ADGRA3: variants seen among roughly 807,000 people sequenced by gnomAD.
ADGRA3 encodes the protein adhesion G protein-coupled receptor A3, also known as G-protein coupled receptor 125.
Under a neutral mutation model 119.8 loss-of-function variants are expected in ADGRA3, and 56 were observed. That is an observed-to-expected ratio of 0.47 (90% CI 0.38 to 0.58). ADGRA3 has a LOEUF of 0.58. Among genes scored for constraint, ADGRA3 ranks in the 20% least tolerant of loss-of-function variants. The probability of loss-of-function intolerance (pLI) is 0.00; values close to 1 mark genes in which losing one functional copy is unlikely to be tolerated. For missense variants in ADGRA3, 1,516 were observed against 1,649.0 expected, an observed-to-expected ratio of 0.92 and a Z score of 1.40; for synonymous variants, 607 against 623.8, an observed-to-expected ratio of 0.97 and a Z score of 0.40.
chr4:22,453,745 A>T (rs1184289508), intron 4 of ADGRA3, among the ~76,000 whole-genome samples: 1 of 152,210 alleles, frequency 6.6e-6, no homozygotes, highest in Non-Finnish European at 1.5e-5. Context: ...CCTATTGTTT[A>T]GTCAGTTCTA....
At chr4:22,435,173 T>A in intron 10 of ADGRA3, 138 bp downstream of exon 10, 1 of 733,876 alleles carries the variant, frequency 1.4e-6, no homozygotes, top group Non-Finnish European at 2.3e-6. Context: ...AGTATCTCAA[T>A]AAAATTCTGG....
At chr4:22,400,858 TACAA>T (rs536685858) in intron 16 of ADGRA3, among the ~76,000 whole-genome samples, 48 of 152,248 alleles carry the variant, frequency 3.2e-4, no homozygotes, top group African/African-American at 1.1e-3. Context: ...GAAAAAAATA[TACAA>T]ACAAAGAAAT....
chr4:22,390,242 G>A (rs1277970077), intron 17 of ADGRA3, among the ~76,000 whole-genome samples: 2 of 148,578 alleles, frequency 1.3e-5, no homozygotes, highest in Non-Finnish European at 3.0e-5. Flanking sequence ...CCCTACCCCC[G>A]TTCTTGTTAT....
At chr4:22,481,208 A>C (rs1718250320) in intron 1 of ADGRA3, among the ~76,000 whole-genome samples, 1 of 152,200 alleles carries the variant, frequency 6.6e-6, no homozygotes, top group South Asian at 2.1e-4. Flanking sequence ...GGTTGGCTAG[A>C]TTTTGGGCCA....
chr4:22,478,856 C>T (rs1360229308), intron 1 of ADGRA3, among the ~76,000 whole-genome samples: 1 of 152,028 alleles, frequency 6.6e-6, no homozygotes, highest in African/African-American at 2.4e-5. Flanking sequence ...CTAAGGATTT[C>T]CCAGAACTAA....
intron 7 of ADGRA3, among the ~76,000 whole-genome samples, chr4:22,440,758 A>T (rs1716579596): frequency 6.6e-6 from 1 of 152,232 alleles, no homozygotes; most frequent in African/African-American, 2.4e-5. Context: ...ATTGAATTAT[A>T]CATCAATTAT....
chr4:22,428,068 C>A (rs537576563), intron 10 of ADGRA3, among the ~76,000 whole-genome samples: 1 of 152,148 alleles, frequency 6.6e-6, no homozygotes, highest in South Asian at 2.1e-4. Flanking sequence ...AAAATTAGGT[C>A]AAAAACATCT....
chr4:22,478,270 T>C (rs1312163586), intron 1 of ADGRA3: 1 of 152,178 alleles, frequency 6.6e-6, no homozygotes, highest in African/African-American at 2.4e-5. Context: ...TTACTATACA[T>C]ATTTTTTTAA....
intron 16 of ADGRA3, among the ~76,000 whole-genome samples, chr4:22,396,526 A>C (rs969445934): frequency 6.6e-6 from 1 of 152,200 alleles, no homozygotes; most frequent in Non-Finnish European, 1.5e-5. Flanking sequence ...GACTATTCAC[A>C]TAAGCTGTTC....
chr4:22,398,189 T>C (rs1208462547), intron 16 of ADGRA3: 2 of 929,182 alleles, frequency 2.2e-6, no homozygotes, highest in African/African-American at 3.6e-5. Flanking sequence ...TCAATAATAC[T>C]AATATAATAG....
At chr4:22,463,951 T>C (rs1717565608) in intron 2 of ADGRA3, among the ~76,000 whole-genome samples, 1 of 152,112 alleles carries the variant, frequency 6.6e-6, no homozygotes, top group Non-Finnish European at 1.5e-5. Context: ...CTGTGAATCC[T>C]GGGATCACTG....
intron 1 of ADGRA3, among the ~76,000 whole-genome samples, chr4:22,512,447 A>G (rs539918653): frequency 2.6e-5 from 4 of 152,296 alleles, no homozygotes; most frequent in Non-Finnish European, 4.4e-5. Context: ...ACAGTGTTTC[A>G]TAGAAAGAAA....
At chr4:22,439,584 T>C (rs566745738) in intron 7 of ADGRA3, among the ~76,000 whole-genome samples, 10 of 152,206 alleles carry the variant, frequency 6.6e-5, no homozygotes, top group Non-Finnish European at 1.3e-4. Flanking sequence ...AATGTTCTAA[T>C]AAAGGCTCAA....
intron 2 of ADGRA3, among the ~76,000 whole-genome samples, chr4:22,470,901 C>A (rs1438468843): frequency 6.6e-6 from 1 of 152,120 alleles, no homozygotes; most frequent in African/African-American, 2.4e-5. Flanking sequence ...GGAGAAAGCA[C>A]CTCAGGGCGG....
In ADGRA3 at chr4:22,455,828, G is replaced by A. The variant is rs184506372; in HGVS notation, c.402-891C>T. On this transcript the variant is annotated intron_variant, in intron 3 of 18. Transcript: ENST00000334304. ...ACTTACACCTGGCATGGCATGACTC[G>A]CATCATTGTTTTCAGTGGACTTAGC... The A allele has an allele frequency of 5.6e-5, 72 of 1,287,254 alleles. 1 individual carries two copies. The East Asian group carries it at 1.0e-3, about 18-fold the overall frequency. The allele number at this position is 1,287,254 out of a possible 1,614,324, so 79.7% of individuals were successfully genotyped here. A position where few individuals can be genotyped will look rare whatever the true frequency, so the allele number is the denominator to read the frequency against.
rs188606253 is a variant in ADGRA3, at chr4:22,458,698, T to C, written c.401+3039A>G. Among the ~76,000 whole-genome samples the C allele has an allele frequency of 2.5e-3, 377 of 152,328 alleles. 3 individuals carry two copies. Among genetic ancestry groups the C allele is most frequent in the Middle Eastern group, 3.4e-3 (1 of 294 alleles). On this transcript the variant is annotated intron_variant, in intron 3 of 18. Coordinates refer to ENST00000334304, the MANE Select transcript of ADGRA3 (RefSeq NM_145290.4). ...GAACTCTAAACCTGGCTTGGTCCCA[T>C]GCAATCTGATGCCTAATGTCTACCC...
intron 1 of ADGRA3, among the ~76,000 whole-genome samples, chr4:22,510,975 A>AC (rs1311175285): frequency 6.6e-6 from 1 of 152,220 alleles, no homozygotes; most frequent in Non-Finnish European, 1.5e-5. Context: ...TGTACTTTGT[A>AC]CTGAGCCACA....
At chr4:22,401,294 T>A in intron 16 of ADGRA3, 137 bp downstream of exon 16, 2 of 726,656 alleles carry the variant, frequency 2.8e-6, no homozygotes, top group South Asian at 5.7e-5. Flanking sequence ...GGCAGATTGT[T>A]TAAGTGACAG....
chr4:22,501,522 G>C (rs762714335), intron 1 of ADGRA3, among the ~76,000 whole-genome samples: 1 of 151,942 alleles, frequency 6.6e-6, no homozygotes, highest in Non-Finnish European at 1.5e-5. Context: ...ACCTGAATGA[G>C]TCATGTTATA....
Sources: gnomAD v4.1 joint callset for allele counts (sites outside exome capture counted in the v4.1 genomes callset) on GRCh38, gnomAD v4.1.1 for gene constraint, MANE v1.5 for transcripts, NCBI Gene and HGNC (gene_info 2026-07-23, HGNC 2026-07-21) for gene names.